DYSF: variants seen among roughly 807,000 people sequenced by gnomAD.
DYSF encodes dystrophy-associated fer-1-like 1.
A neutral mutation model predicts 274.9 loss-of-function variants in DYSF; 212 were observed. That is an observed-to-expected ratio of 0.77 (90% CI 0.69 to 0.86). The LOEUF (loss-of-function observed/expected upper bound fraction) is 0.86. Among genes scored for constraint, DYSF ranks in the 40% least tolerant of loss-of-function variants. The pLI, the probability that DYSF is intolerant of heterozygous loss-of-function variation, is 0.00. For missense variants in DYSF, 2,666 were observed against 2,783.2 expected, an observed-to-expected ratio of 0.96 and a Z score of 0.95; for synonymous variants, 1,091 against 1,078.7, an observed-to-expected ratio of 1.01 and a Z score of -0.22.
At chr2:71,571,579 C>G (rs1330855310) in intron 29 of DYSF, among the ~76,000 whole-genome samples, 2 of 145,602 alleles carry the variant, frequency 1.4e-5, no homozygotes, top group Non-Finnish European at 3.0e-5. Flanking sequence ...CCACCACACA[C>G]AGATCACACC....
intron 4 of DYSF, among the ~76,000 whole-genome samples, chr2:71,508,553 A>C (rs937485617): frequency 6.6e-6 from 1 of 152,150 alleles, no homozygotes; most frequent in Admixed American, 6.5e-5. Flanking sequence ...TATTTGTAGA[A>C]TGTCCCCCAC....
At chr2:71,561,252 C>G (rs180987809) in intron 22 of DYSF, among the ~76,000 whole-genome samples, 120 of 152,270 alleles carry the variant, frequency 7.9e-4, no homozygotes, top group African/African-American at 2.8e-3. Flanking sequence ...TGCTGGCCTC[C>G]CTGCAGTGCC....
At chr2:71,657,946 G>C (rs2094803879) in intron 43 of DYSF, among the ~76,000 whole-genome samples, 1 of 152,196 alleles carries the variant, frequency 6.6e-6, no homozygotes, top group African/African-American at 2.4e-5. Flanking sequence ...TGCTACTTAT[G>C]CAAATTTCTG....
At chr2:71,596,826 T>C (rs1283079752) in intron 32 of DYSF, among the ~76,000 whole-genome samples, 2 of 152,224 alleles carry the variant, frequency 1.3e-5, no homozygotes, top group Non-Finnish European at 2.9e-5. Context: ...TGCCTTCTAT[T>C]AACCAGACCC....
intron 41 of DYSF, among the ~76,000 whole-genome samples, chr2:71,634,876 T>C (rs2094372852): frequency 6.6e-6 from 1 of 152,178 alleles, no homozygotes; most frequent in African/African-American, 2.4e-5. Context: ...TCTTCTCATT[T>C]CAGCCCCCAA....
intron 32 of DYSF, 144 bp from the exon 33 acceptor site, chr2:71,598,420 G>T: frequency 1.0e-6 from 1 of 1,001,804 alleles, no homozygotes; most frequent in Non-Finnish European, 1.5e-6. Context: ...CCATAGGGAA[G>T]ATGCATCCCA....
At chr2:71,631,762 C>T (rs1449159384) in intron 41 of DYSF, among the ~76,000 whole-genome samples, 1 of 152,066 alleles carries the variant, frequency 6.6e-6, no homozygotes, top group African/African-American at 2.4e-5. Flanking sequence ...ATTGGATCCT[C>T]GTTGCCGGAG....
At chr2:71,612,255 G>T (rs958039999) in intron 38 of DYSF, among the ~76,000 whole-genome samples, 1 of 152,308 alleles carries the variant, frequency 6.6e-6, no homozygotes, top group South Asian at 2.1e-4. Context: ...TGGGGTGTGT[G>T]GGGGGAAGAA....
intron 26 of DYSF, among the ~76,000 whole-genome samples, chr2:71,569,114 T>C (rs1488328605): frequency 1.4e-4 from 21 of 152,084 alleles, no homozygotes; most frequent in Non-Finnish European, 2.5e-4. Flanking sequence ...GACCTGGTGA[T>C]CCACCCGCCT....
intron 40 of DYSF, among the ~76,000 whole-genome samples, chr2:71,618,087 ATGGGGTGTGTGTGTGGTAGAGG>A (rs2093955494): frequency 1.4e-4 from 2 of 14,770 alleles, no homozygotes; most frequent in Non-Finnish European, 2.8e-4. Context: ...TGTGGTAGAG[ATGGGGTGTGTGTGTGGTAGAGG>A]TGGGGTGTGT....
At chr2:71,644,366 C>T (rs886624437) in intron 42 of DYSF, among the ~76,000 whole-genome samples, 4 of 152,148 alleles carry the variant, frequency 2.6e-5, no homozygotes, top group Non-Finnish European at 5.9e-5. Context: ...TTCCCAAGAT[C>T]AGGGTGGCCC....
Position 71,513,921 on chromosome 2 carries a change from G to C in DYSF, c.759G>C (p.Gln253His), listed in dbSNP as rs886044472. 3.7e-6 allele frequency: 6 copies of C among 1,614,194 alleles called. No homozygotes were observed. The highest frequency in any genetic ancestry group is 8.5e-7 in the Non-Finnish European group (1 of 1,180,028). The change falls in exon 7 of 56, where the codon CAG becomes CAC. Residue 253 changes from glutamine to histidine, a missense_variant and splice_region_variant. By Grantham distance (24) the Gln-to-His change is conservative. Transcript: ENST00000410020. ...KLLSDKPQDF[Q>H]IRVQVIEGRQ... The stretch of plus-strand genomic sequence containing the variant: ...TGTCAGACAAACCGCAGGATTTCCA[G>C]GTGATGAACGGGCTTTCTCTGACCC...
At chr2:71,515,198 T>C (rs865859886) in intron 7 of DYSF, among the ~76,000 whole-genome samples, 27 of 152,218 alleles carry the variant, frequency 1.8e-4, no homozygotes, top group African/African-American at 5.3e-4. Flanking sequence ...TTGCATCTTA[T>C]AAAGAATAAA....
intron 46 of DYSF, among the ~76,000 whole-genome samples, chr2:71,664,846 C>T (rs1363046251): frequency 6.6e-6 from 1 of 152,202 alleles, no homozygotes; most frequent in Non-Finnish European, 1.5e-5. Context: ...TGGTTTATGT[C>T]AGGGGAATGC....
At chr2:71,650,346 T>C (rs2094634550) in intron 42 of DYSF, among the ~76,000 whole-genome samples, 1 of 152,148 alleles carries the variant, frequency 6.6e-6, no homozygotes, top group African/African-American at 2.4e-5. Context: ...TCAGGCGTGG[T>C]GGCGTGCACC....
At chr2:71,614,724 G>A (rs763358826) in intron 40 of DYSF, among the ~76,000 whole-genome samples, 1 of 152,148 alleles carries the variant, frequency 6.6e-6, no homozygotes, top group Non-Finnish European at 1.5e-5. Flanking sequence ...CTCGCTTAGC[G>A]GAGGTGTTAA....
intron 30 of DYSF, among the ~76,000 whole-genome samples, chr2:71,589,004 T>C (rs2093164558): frequency 6.6e-6 from 1 of 152,200 alleles, no homozygotes. Context: ...GCTGACCATC[T>C]AGCTTTATAC....
chr2:71,513,791 G>A lies in DYSF; in HGVS notation c.629G>A (p.Gly210Glu). The part of the protein sequence containing the change: ...DEAEPFLDQS[G>E]GPGAPTTPRK... ...GCGGAGCCATTCCTGGATCAAAGCG[G>A]AGGCCCGGGGGCTCCCACCACCCCA... is the stretch of plus-strand genomic sequence containing the variant. The change falls in exon 7 of 56, where the codon GGA becomes GAA. Residue 210 changes from glycine (G) to glutamate (E), a missense_variant. Gly to Glu is a moderately conservative substitution (Grantham distance 98). This residue lies in a region of DYSF where 794 missense variants were observed against 777.1 expected (regional missense o/e 1.02). Coordinates refer to ENST00000410020, the MANE Select transcript of DYSF (RefSeq NM_001130987.2). 1 of 1,614,182 alleles carries A rather than the reference G, an allele frequency of 6.2e-7. No individual in the cohort carries two copies. Among genetic ancestry groups the A allele is most frequent in the Non-Finnish European group, 8.5e-7 (1 of 1,180,022 alleles).
intron 41 of DYSF, among the ~76,000 whole-genome samples, chr2:71,638,785 T>C (rs2094445363): frequency 6.6e-6 from 1 of 152,246 alleles, no homozygotes; most frequent in South Asian, 2.1e-4. Flanking sequence ...TAATGCTGCT[T>C]TGAACATTCA....
Sources: gnomAD v4.1 joint callset for allele counts (sites outside exome capture counted in the v4.1 genomes callset) on GRCh38, gnomAD v4.1.1 for gene constraint, gnomAD v4.1.1 regional missense constraint, MANE v1.5 for transcripts, NCBI Gene and HGNC (gene_info 2026-07-23, HGNC 2026-07-21) for gene names.